Variants in RPL14 observed in about 807,000 individuals in gnomAD.
RPL14 encodes large ribosomal subunit protein eL14.
RPL14 carries 4 observed loss-of-function variants against 25.3 expected under a neutral mutation model. That is an observed-to-expected ratio of 0.16 (90% confidence interval 0.08 to 0.36). The LOEUF (loss-of-function observed/expected upper bound fraction) is 0.36. RPL14 is among the 10% of genes least tolerant of loss of function. The pLI is 1.00. For missense variants in RPL14, 212 were observed against 261.9 expected (o/e 0.81, Z 1.31); for synonymous variants, 75 against 89.8 (o/e 0.84, Z 0.93).
chr3:40,460,738 C>T (rs931369236), intron 3 of RPL14, among the ~76,000 whole-genome samples: 4 of 151,928 alleles, frequency 2.6e-5, no homozygotes, highest in African/African-American at 4.8e-5. Flanking sequence ...CCTGCAACCA[C>T]GCCCAGCTAA....
At chr3:40,459,946 A>C (rs1290834855) in intron 3 of RPL14, among the ~76,000 whole-genome samples, 1 of 151,652 alleles carries the variant, frequency 6.6e-6, no homozygotes, top group Non-Finnish European at 1.5e-5. Flanking sequence ...ATTTTGAAGT[A>C]CTGGTAGTTG....
rs1696994838 is a variant in RPL14 at position 40,464,209 on chromosome 3, C to T, written c.*1977C>T. 3.3e-5 allele frequency: 11 copies of T among 337,710 alleles called. No individual in the cohort carries two copies. The highest frequency in any genetic ancestry group is 2.1e-4 in the South Asian group (9 of 42,254). The allele number at this position is 337,710 out of a possible 1,614,324, so 20.9% of individuals were successfully genotyped here. A position where few individuals can be genotyped will look rare whatever the true frequency, so the allele number is the denominator to read the frequency against. ...TCCTGACCTCAGGTGATCTGTCCGC[C>T]TTGGCCTCCCAAAGTGCTGGGATTA... On this transcript the variant is annotated 3_prime_UTR_variant, in exon 6 of 6. Coordinates refer to ENST00000396203, the MANE Select transcript of RPL14 (RefSeq NM_001034996.3).
rs13095055 is a variant in RPL14, at chr3:40,464,175, G to T, written c.*1943G>T. On this transcript the variant is annotated 3_prime_UTR_variant, in exon 6 of 6. Coordinates refer to ENST00000396203, the MANE Select transcript of RPL14 (RefSeq NM_001034996.3). ...GGGTTTTGCCATGTCAGCCAGACTG[G>T]TCTTGAACTCCTGACCTCAGGTGAT... The T allele has an allele frequency of 0.65, 201,333 of 311,824 alleles. 65,848 individuals carry two copies. Among genetic ancestry groups the T allele is most frequent in the Non-Finnish European group, 0.69 (108,600 of 156,504 alleles). The allele number at this position is 311,824 out of a possible 1,614,324, so 19.3% of individuals were successfully genotyped here.
intron 5 of RPL14, 119 bp downstream of exon 5, chr3:40,461,780 T>A: frequency 7.7e-7 from 1 of 1,303,744 alleles, no homozygotes; most frequent in Non-Finnish European, 1.0e-6. Flanking sequence ...GGAGAATTTA[T>A]CTTCATTTGT....
At position 40,463,075 on chromosome 3, in the gene RPL14, G is replaced by A. The variant is rs1444369612; in HGVS notation, c.*843G>A. 1 of 151,914 alleles carries A rather than the reference G, an allele frequency of 6.6e-6. No individual in the cohort carries two copies. Among genetic ancestry groups the A allele is most frequent in the East Asian group, 1.9e-4 (1 of 5,134 alleles). 9.4% of individuals were successfully genotyped at this position (151,914 alleles called of 1,614,324 possible). On this transcript the variant is annotated 3_prime_UTR_variant, in exon 6 of 6. Coordinates refer to ENST00000396203, the MANE Select transcript of RPL14 (RefSeq NM_001034996.3). ...TGGGACTACAGGCGCCCACCACCAT[G>A]CCCAGCTAATTTTTTTTGTAGAGAC...
In RPL14 at chr3:40,458,729, C is replaced by T; in HGVS notation, c.193C>T (p.Pro65Ser). 4.3e-6 allele frequency: 7 copies of T among 1,613,840 alleles called. No homozygotes were observed. The highest frequency in any genetic ancestry group is 5.9e-6 in the Non-Finnish European group (7 of 1,179,722). Residue 65 changes from proline to serine, a missense_variant, in exon 3 of 6, where the codon CCG becomes TCG. Coordinates refer to ENST00000396203, the MANE Select transcript of RPL14 (RefSeq NM_001034996.3). ...GCTCACTGATTTCATCCTCAAGTTT[C>T]CGCACAGGTAACTGTCCACTAATCA... ...MQLTDFILKF[P>S]HSAHQKYVRQ...
rs1696979982 is a variant in RPL14 at position 40,463,475 on chromosome 3, G to C, written c.*1243G>C. On this transcript the variant is annotated 3_prime_UTR_variant, in exon 6 of 6. Transcript: ENST00000396203. The stretch of plus-strand genomic sequence containing the variant: ...CCCGCCTTGGCCTCCCAAAGTGCTG[G>C]AATTACAGGTGTGAGCCACTGTGCC... The C allele has an allele frequency of 6.6e-6, 1 of 152,162 alleles. No homozygotes were observed. Among genetic ancestry groups the C allele is most frequent in the Non-Finnish European group, 1.5e-5 (1 of 68,044 alleles). The allele number at this position is 152,162 out of a possible 1,614,324, so 9.4% of individuals were successfully genotyped here. A position where few individuals can be genotyped will look rare whatever the true frequency, so the allele number is the denominator to read the frequency against.
At chr3:40,457,697 T>C in intron 1 of RPL14, 193 bp from the exon 2 acceptor site, 1 of 660,456 alleles carries the variant, frequency 1.5e-6, no homozygotes, top group South Asian at 1.9e-5. Flanking sequence ...CTGGCGGGCG[T>C]TGGGAACCGG....
rs374716295 is a variant in RPL14 at position 40,457,433 on chromosome 3, T to C, written c.-39T>C. 66 of 1,585,676 alleles carry C rather than the reference T, an allele frequency of 4.2e-5. No homozygotes were observed. Among genetic ancestry groups the C allele is most frequent in the Admixed American group, 1.8e-5 (1 of 56,594 alleles). ...TCGACCTCCACCTCCGCTGGGAAGC[T>C]GAGGCGCCAAACGGCTCCCAGAGGG... is the stretch of plus-strand genomic sequence containing the variant. On this transcript the variant is annotated 5_prime_UTR_variant, in exon 1 of 6. It removes the in-frame stop codon of an upstream open reading frame in the 5' UTR. Transcript: ENST00000396203.
chr3:40,458,423 T>C (rs1381752334), intron 2 of RPL14: 1 of 575,884 alleles, frequency 1.7e-6, no homozygotes, highest in Non-Finnish European at 3.1e-6. Flanking sequence ...CTATATAGTT[T>C]AAGAAGGAGC....
In RPL14 at chr3:40,467,823, T is replaced by TG. The variant is rs1256576741; in HGVS notation, c.*5591_*5592insG. 1,318 of 123,220 alleles carry TG rather than the reference T, an allele frequency of 0.011. 10 individuals are homozygous for TG. The highest frequency in any genetic ancestry group is 0.025 in the Middle Eastern group (6 of 238). 7.6% of individuals were successfully genotyped at this position (123,220 alleles called of 1,614,324 possible). A position where few individuals can be genotyped will look rare whatever the true frequency, so the allele number is the denominator to read the frequency against. On this transcript the variant is annotated 3_prime_UTR_variant, in exon 6 of 6. Transcript: ENST00000396203. Reference sequence around the variant, plus strand: ...GGTTTTTGTTTTTTGTGTGTGTGTGTTTTTTTTTTTTTTGAGACGAGGTCT... The same window carrying TG: ...GGTTTTTGTTTTTTGTGTGTGTGTGTGTTTTTTTTTTTTTGAGACGAGGTCT...
In RPL14 at chr3:40,463,861, A is replaced by G. The variant is rs1175393742; in HGVS notation, c.*1629A>G. ...CAGATAAGAGATACTTATCCTGTGT[A>G]TAGTAGGTTGGACTTCTGTTTCTCT... On this transcript the variant is annotated 3_prime_UTR_variant, in exon 6 of 6. Coordinates refer to ENST00000396203, the MANE Select transcript of RPL14 (RefSeq NM_001034996.3). 2.0e-5 allele frequency: 3 copies of G among 153,582 alleles called. No homozygotes were observed. Among genetic ancestry groups the G allele is most frequent in the African/African-American group, 7.2e-5 (3 of 41,464 alleles). The allele number at this position is 153,582 out of a possible 1,614,324, so 9.5% of individuals were successfully genotyped here. A position where few individuals can be genotyped will look rare whatever the true frequency, so the allele number is the denominator to read the frequency against.
Position 40,464,871 on chromosome 3 carries a change from A to AT in RPL14, c.*2640dup. The AT allele has an allele frequency of 4.7e-6, 1 of 210,742 alleles. No individual in the cohort carries two copies. The highest frequency in any genetic ancestry group is 9.9e-6 in the Non-Finnish European group (1 of 101,272). 13.1% of individuals were successfully genotyped at this position (210,742 alleles called of 1,614,324 possible). On this transcript the variant is annotated 3_prime_UTR_variant, in exon 6 of 6. Transcript: ENST00000396203. ...GCAGGGTAAAGTTTATCTAGGTAAA[A>AT]TGAGTTAGTTTTCATGTAGACTATC...
rs571033887 is a variant in RPL14, at chr3:40,457,835, A to T, written c.4-55A>T. The T allele has an allele frequency of 2.6e-5, 37 of 1,445,546 alleles. 1 individual carries two copies. In the South Asian group the frequency reaches 4.2e-4, roughly 16 times the overall value. 89.5% of individuals were successfully genotyped at this position (1,445,546 alleles called of 1,614,324 possible). On this transcript the variant is annotated intron_variant, in intron 1 of 5. Transcript: ENST00000396203. ...GTTGTCTTTAGCTGCAGAAGGTGAC[A>T]TATGTAGCGAGTATTTCTAAGTAAG... is the stretch of plus-strand genomic sequence containing the variant.
At position 40,462,078 on chromosome 3, in the gene RPL14, A is replaced by T; in HGVS notation, c.494A>T (p.Lys165Met). The part of the protein sequence containing the change: ...AAAAAKVPAK[K>M]ITAASKKAPA... The stretch of plus-strand genomic sequence containing the variant: ...GCTGCTGCTAAAGTTCCAGCAAAAA[A>T]GATCACCGCCGCGAGTAAAAAGGCT... The change falls in exon 6 of 6, where the codon AAG becomes ATG. Residue 165 changes from lysine to methionine, a missense_variant. This residue lies in a region of RPL14 where 66 missense variants were observed against 62.6 expected (regional missense o/e 1.05). Coordinates refer to ENST00000396203, the MANE Select transcript of RPL14 (RefSeq NM_001034996.3). The T allele has an allele frequency of 6.3e-7, 1 of 1,575,634 alleles. No individual in the cohort carries two copies. Among genetic ancestry groups the T allele is most frequent in the Non-Finnish European group, 8.6e-7 (1 of 1,156,438 alleles).
rs1204801937 is a variant in RPL14, at chr3:40,465,332, T to TGG, written c.*3101_*3102dup. 6.6e-6 allele frequency: 1 copy of TGG among 152,142 alleles called. No individual in the cohort carries two copies. Among genetic ancestry groups the TGG allele is most frequent in the Non-Finnish European group, 1.5e-5 (1 of 68,060 alleles). 9.4% of individuals were successfully genotyped at this position (152,142 alleles called of 1,614,324 possible). On this transcript the variant is annotated 3_prime_UTR_variant, in exon 6 of 6. Coordinates refer to ENST00000396203, the MANE Select transcript of RPL14 (RefSeq NM_001034996.3). ...TTCGGAGGTTTTGTGTTTGTAAATC[T>TGG]GGAGTGATGGGCATGTTCAAATGCT...
rs1458400623 is a variant in RPL14 at position 40,466,927 on chromosome 3, TAA to T, written c.*4698_*4699del. 4 of 150,130 alleles carry T rather than the reference TAA, an allele frequency of 2.7e-5. No homozygotes were observed. Among genetic ancestry groups the T allele is most frequent in the Admixed American group, 6.7e-5 (1 of 14,864 alleles). 9.3% of individuals were successfully genotyped at this position (150,130 alleles called of 1,614,324 possible). ...ACTGTTTATCCTTTAGTACTAAAAT[TAA>T]AAGTTACCTCATTCTTCTAGCTAGC... is the stretch of plus-strand genomic sequence containing the variant. On this transcript the variant is annotated 3_prime_UTR_variant, in exon 6 of 6. Coordinates refer to ENST00000396203, the MANE Select transcript of RPL14 (RefSeq NM_001034996.3).
chr3:40,458,908 G>C (rs1481430919), intron 3 of RPL14, 172 bp downstream of exon 3: 2 of 602,318 alleles, frequency 3.3e-6, no homozygotes, highest in Admixed American at 5.3e-5. Context: ...GCGCGTGATA[G>C]CTCATGCCTG....
In RPL14 at chr3:40,467,528, T is replaced by TAG. The variant is rs1465866896; in HGVS notation, c.*5297_*5298dup. The TAG allele has an allele frequency of 6.6e-6, 1 of 152,426 alleles. No individual in the cohort carries two copies. The highest frequency in any genetic ancestry group is 1.5e-5 in the Non-Finnish European group (1 of 68,040). 9.4% of individuals were successfully genotyped at this position (152,426 alleles called of 1,614,324 possible). A position where few individuals can be genotyped will look rare whatever the true frequency, so the allele number is the denominator to read the frequency against. ...TTGTTCTATTTGAACCTTCCGTGGA[T>TAG]AGGATGATGCCCACCTGCATTGGTG... On this transcript the variant is annotated 3_prime_UTR_variant, in exon 6 of 6. Transcript: ENST00000396203.
Sources: allele counts gnomAD v4.1 joint callset (sites outside exome capture counted in the v4.1 genomes callset), GRCh38; gene constraint gnomAD v4.1.1; regional missense constraint gnomAD v4.1.1; transcripts MANE v1.5; gene names NCBI Gene and HGNC (gene_info 2026-07-23, HGNC 2026-07-21).